IQCB1: variants seen among roughly 807,000 people sequenced by gnomAD.
IQCB1 encodes IQ calmodulin-binding motif-containing protein 1.
IQCB1 carries 56 observed loss-of-function variants against 84.4 expected under a neutral mutation model. That is an observed-to-expected ratio of 0.66 (90% CI 0.54 to 0.83). IQCB1 has a LOEUF of 0.83. IQCB1 is among the 40% of genes least tolerant of loss of function. The pLI, the probability that IQCB1 is intolerant of heterozygous loss-of-function variation, is 0.00. For missense variants in IQCB1, 629 were observed against 682.1 expected (o/e 0.92, Z 0.87); for synonymous variants, 210 against 234.8 (o/e 0.89, Z 0.96).
chr3:121,786,683 A>T (rs996105467), intron 12 of IQCB1, among the ~76,000 whole-genome samples: 5 of 152,082 alleles, frequency 3.3e-5, no homozygotes, highest in Non-Finnish European at 7.4e-5. Flanking sequence ...AATGTGACTA[A>T]TCTTCCTTTC....
intron 13 of IQCB1, among the ~76,000 whole-genome samples, chr3:121,777,880 G>T (rs904701924): frequency 6.7e-6 from 1 of 149,210 alleles, no homozygotes; most frequent in Admixed American, 6.7e-5. Flanking sequence ...TTGACCACTT[G>T]TATATACGTC....
In IQCB1 at chr3:121,814,147, G is replaced by A. The variant is rs891803391; in HGVS notation, c.394-5138C>T. Reference sequence around the variant, plus strand: ...CAAAACCACACAATTACATGGAAACGGCACAAGCTGCTCCTGAATGAGTAC... The same window carrying A: ...CAAAACCACACAATTACATGGAAACAGCACAAGCTGCTCCTGAATGAGTAC... On this transcript the variant is annotated intron_variant, in intron 5 of 14. Coordinates refer to ENST00000310864, the MANE Select transcript of IQCB1 (RefSeq NM_001023570.4). Among the ~76,000 whole-genome samples the A allele has an allele frequency of 4.6e-5, 7 of 152,146 alleles. No individual in the cohort carries two copies. In the East Asian group the frequency reaches 9.7e-4, roughly 21 times the overall value.
chr3:121,830,123 T>G (rs1323812622), intron 2 of IQCB1, among the ~76,000 whole-genome samples: 1 of 152,006 alleles, frequency 6.6e-6, no homozygotes, highest in African/African-American at 2.4e-5. Flanking sequence ...CAGAATAGCT[T>G]GAACCTAGGA....
In IQCB1 at chr3:121,828,519, G is replaced by A. The variant is rs201405662; in HGVS notation, c.214C>T (p.Arg72Ter). 9.0e-5 allele frequency: 145 copies of A among 1,612,894 alleles called. No individual in the cohort carries two copies. The highest frequency in any genetic ancestry group is 1.1e-4 in the Non-Finnish European group (135 of 1,179,074). Residue 72 changes from arginine (R) to a stop codon, truncating the protein, a stop_gained, in exon 4 of 15, where the codon CGA (arginine) becomes TGA (stop). Transcript: ENST00000310864. LOFTEE classifies it high-confidence loss of function. ...ATTGTAGTCCAACCACCCTGGATTC[G>A]AGAATAATCTTGACTGAGGACCAAG... ...CLLVLSQDYS[R>*]IQGGWTTISQ...
At chr3:121,772,834 T>A (rs1382130768) in intron 13 of IQCB1, 121 bp from the exon 14 acceptor site, 2 of 874,268 alleles carry the variant, frequency 2.3e-6, no homozygotes, top group African/African-American at 3.3e-5. Flanking sequence ...AATCTTATGA[T>A]TGATGTCTAT....
rs1559783569 is a variant in IQCB1, at chr3:121,807,437, T to A, written c.494A>T (p.Gln165Leu). The change falls in exon 7 of 15, where the codon CAA (glutamine) becomes CTA (leucine). Residue 165 changes from glutamine to leucine, a missense_variant. Physicochemically the swap from Gln to Leu is moderately radical, Grantham distance 113 (BLOSUM62 -2). Transcript: ENST00000310864. ...GHVELIQNVL[Q>L]SDHFLHLLQA... is the part of the protein sequence containing the mutation. The stretch of plus-strand genomic sequence containing the variant: ...CAGTAAATGTAAGAAATGATCACTT[T>A]GTAGTACTAAAGGAAAAGAAAAAAA... 2 of 1,454,186 alleles carry A rather than the reference T, an allele frequency of 1.4e-6. No individual in the cohort carries two copies. Among genetic ancestry groups the A allele is most frequent in the East Asian group, 4.6e-5 (2 of 43,956 alleles). 90.1% of individuals were successfully genotyped at this position (1,454,186 alleles called of 1,614,324 possible).
At chr3:121,826,217 T>C (rs1366480722) in intron 4 of IQCB1, 37 bp from the exon 5 acceptor site, 1 of 1,607,238 alleles carries the variant, frequency 6.2e-7, no homozygotes, top group Admixed American at 1.7e-5. Flanking sequence ...AATTAGAAGT[T>C]TATGTTGAAT....
At chr3:121,786,170 C>CAAGAAAAAAAGAAAGAAAAG in intron 12 of IQCB1, among the ~76,000 whole-genome samples, 1 of 72,882 alleles carries the variant, frequency 1.4e-5, no homozygotes, top group East Asian at 2.8e-4. Flanking sequence ...GATTCTGTCT[C>CAAGAAAAAAAGAAAGAAAAG]AAAAGAAAAG....
chr3:121,814,999 C>T (rs953745500), intron 5 of IQCB1, among the ~76,000 whole-genome samples: 4 of 152,076 alleles, frequency 2.6e-5, no homozygotes, highest in African/African-American at 7.2e-5. Flanking sequence ...AACATCAATG[C>T]GAAAATCCTC....
intron 5 of IQCB1, among the ~76,000 whole-genome samples, chr3:121,822,024 T>G (rs1950293538): frequency 6.6e-6 from 1 of 152,230 alleles, no homozygotes; most frequent in African/African-American, 2.4e-5. Context: ...CTTGCCTGAC[T>G]GCCTTTGAGT....
intron 2 of IQCB1, among the ~76,000 whole-genome samples, chr3:121,831,738 T>C (rs555318547): frequency 6.6e-5 from 10 of 152,326 alleles, no homozygotes; most frequent in Admixed American, 5.2e-4. Flanking sequence ...TTGATTGTCA[T>C]GATGTGAGAG....
chr3:121,799,094 C>T, intron 8 of IQCB1, 102 bp downstream of exon 8: 3 of 788,210 alleles, frequency 3.8e-6, no homozygotes, highest in Non-Finnish European at 6.4e-6. Context: ...CTACATAGGT[C>T]AGTTATCAAC....
In IQCB1 at chr3:121,770,476, T is replaced by C; in HGVS notation, c.1666A>G (p.Thr556Ala). ...AAKAKQAHLTTLKHIQAPWWK... is the reference protein window; with the variant it reads ...AAKAKQAHLTALKHIQAPWWK... The stretch of plus-strand genomic sequence containing the variant: ...CAGGGTGCTTGTATGTGCTTCAGGG[T>C]TGTGAGATGGGCCTGCTTGGCCTTG... Residue 556 changes from threonine to alanine, a missense_variant, in exon 15 of 15, where the codon ACC becomes GCC. Coordinates refer to ENST00000310864, the MANE Select transcript of IQCB1 (RefSeq NM_001023570.4). The C allele has an allele frequency of 1.2e-6, 2 of 1,614,240 alleles. No homozygotes were observed. Among genetic ancestry groups the C allele is most frequent in the Non-Finnish European group, 1.7e-6 (2 of 1,180,044 alleles).
At chr3:121,829,015 GA>G (rs1411380658) in intron 2 of IQCB1, 43 bp from the exon 3 acceptor site, 3 of 1,043,374 alleles carry the variant, frequency 2.9e-6, no homozygotes, top group South Asian at 1.3e-5. Context: ...AAAAAGCCAG[GA>G]AATGTTCACT....
chr3:121,795,026 G>A (rs940309946), intron 10 of IQCB1, among the ~76,000 whole-genome samples: 6 of 151,970 alleles, frequency 3.9e-5, no homozygotes, highest in African/African-American at 7.2e-5. Flanking sequence ...AATAAATGCC[G>A]AACTATATCA....
chr3:121,802,422 A>G (rs1949440586), intron 7 of IQCB1, among the ~76,000 whole-genome samples: 1 of 152,118 alleles, frequency 6.6e-6, no homozygotes, highest in South Asian at 2.1e-4. Flanking sequence ...TTATAAGCAT[A>G]AAGTTGTTTA....
chr3:121,815,968 A>C (rs1159488442), intron 5 of IQCB1, among the ~76,000 whole-genome samples: 1 of 151,648 alleles, frequency 6.6e-6, no homozygotes, highest in Admixed American at 6.6e-5. Flanking sequence ...TAGCCAAGAC[A>C]ATCCTAAGCA....
At chr3:121,796,299 G>A (rs564457219) in intron 9 of IQCB1, among the ~76,000 whole-genome samples, 20 of 151,780 alleles carry the variant, frequency 1.3e-4, no homozygotes, top group African/African-American at 4.6e-4. Context: ...TTATTTTCAT[G>A]GTTTCTGCTT....
intron 5 of IQCB1, 37 bp downstream of exon 5, chr3:121,826,008 GAATTAA>G (rs1559801886): frequency 6.5e-7 from 1 of 1,542,284 alleles, no homozygotes; most frequent in Admixed American, 1.7e-5. Context: ...AGCTTCTTAA[GAATTAA>G]ACTGATTTAG....
Sources: allele counts gnomAD v4.1 joint callset (sites outside exome capture counted in the v4.1 genomes callset), GRCh38; gene constraint gnomAD v4.1.1; transcripts MANE v1.5; gene names NCBI Gene and HGNC (gene_info 2026-07-23, HGNC 2026-07-21).